The following FBN1 variants were observed in gnomAD, a reference collection of about 807,000 sequenced individuals.
FBN1 encodes the protein fibrillin 1.
FBN1 carries 29 observed loss-of-function variants against 365.1 expected under a neutral mutation model. The observed-to-expected ratio is 0.08, with a 90% CI of 0.06 to 0.11. The LOEUF (loss-of-function observed/expected upper bound fraction) is 0.11, where lower values mean the gene tolerates loss of function less well. FBN1 is among the 10% of genes least tolerant of loss of function. FBN1 has a pLI of 1.00. For synonymous variants in FBN1, 1,210 were observed against 1,270.5 expected (o/e 0.95, Z 1.01); for missense variants, 2,476 against 3,703.2 (o/e 0.67, Z 8.60).
At chr15:48,465,716 A>G (rs755511605) in intron 39 of FBN1, 23 bp from the exon 40 acceptor site, 1 of 1,613,928 alleles carries the variant, frequency 6.2e-7, no homozygotes, top group Non-Finnish European at 8.5e-7. Flanking sequence ...AAACAAAGGC[A>G]TTCCTTTAGC....
intron 6 of FBN1, among the ~76,000 whole-genome samples, chr15:48,576,262 C>A (rs1390264083): frequency 6.6e-6 from 1 of 152,182 alleles, no homozygotes; most frequent in Non-Finnish European, 1.5e-5. Context: ...TCCTTTCTTG[C>A]AAGTCATTTC....
chr15:48,485,032 C>T (rs1045314172), intron 30 of FBN1, among the ~76,000 whole-genome samples: 7 of 152,140 alleles, frequency 4.6e-5, no homozygotes, highest in Non-Finnish European at 1.0e-4. Context: ...TCAGGTGATG[C>T]TGTTGCCAAT....
intron 65 of FBN1, among the ~76,000 whole-genome samples, chr15:48,412,306 G>A (rs2042869937): frequency 1.3e-5 from 2 of 152,140 alleles, no homozygotes; most frequent in Admixed American, 6.5e-5. Flanking sequence ...GCAGACTTTG[G>A]GTGGGTATTT....
intron 6 of FBN1, among the ~76,000 whole-genome samples, chr15:48,559,794 C>T (rs895938135): frequency 3.9e-5 from 6 of 152,100 alleles, no homozygotes; most frequent in African/African-American, 1.4e-4. Context: ...TAAGCAGCAG[C>T]AAAACAATGA....
chr15:48,610,179 T>C (rs577373968), intron 4 of FBN1, among the ~76,000 whole-genome samples: 2 of 152,308 alleles, frequency 1.3e-5, no homozygotes, highest in Admixed American at 1.3e-4. Context: ...TTCTGAAGAA[T>C]GAACTGTGGA....
intron 5 of FBN1, among the ~76,000 whole-genome samples, chr15:48,596,704 T>G (rs1245079210): frequency 2.0e-5 from 3 of 152,222 alleles, no homozygotes; most frequent in Non-Finnish European, 4.4e-5. Flanking sequence ...AAAGACTCTT[T>G]TGCTTATGAT....
At chr15:48,462,996 G>T in intron 42 of FBN1, 86 bp downstream of exon 42, 18 of 1,302,406 alleles carry the variant, frequency 1.4e-5, no homozygotes, top group Non-Finnish European at 1.6e-5. Context: ...TGCACACTTT[G>T]CTTCCTTCGC....
chr15:48,644,821 G>T lies in FBN1; in HGVS notation c.-52C>A, dbSNP rs1361354418. ...CGCCTCTTGCCGCGCCCGGGGCTCG[G>T]TCTGCGGCCGCCGCTGCGCCCTGAA... is the stretch of plus-strand genomic sequence containing the variant. On this transcript the variant is annotated 5_prime_UTR_variant, in exon 2 of 66. Transcript: ENST00000316623. 5 of 1,561,314 alleles carry T rather than the reference G, an allele frequency of 3.2e-6. No individual in the cohort carries two copies. The highest frequency in any genetic ancestry group is 2.7e-5 in the African/African-American group (2 of 73,772).
At chr15:48,474,724 A>T in intron 32 of FBN1, 74 bp from the exon 33 acceptor site, 1 of 1,601,746 alleles carries the variant, frequency 6.2e-7, no homozygotes, top group Non-Finnish European at 8.5e-7. Context: ...AGTAATATTC[A>T]AAAGTTGACT....
At chr15:48,552,461 G>A (rs947417295) in intron 6 of FBN1, among the ~76,000 whole-genome samples, 3 of 150,682 alleles carry the variant, frequency 2.0e-5, no homozygotes, top group Non-Finnish European at 4.4e-5. Flanking sequence ...TTGTAGAGAT[G>A]GGGTCTCCCT....
chr15:48,506,809 T>A (rs1177963154), intron 15 of FBN1, among the ~76,000 whole-genome samples: 2 of 152,178 alleles, frequency 1.3e-5, no homozygotes, highest in African/African-American at 4.8e-5. Flanking sequence ...AAATCCAGTA[T>A]ACATGGGATT....
chr15:48,427,324 T>C (rs1265309784), intron 58 of FBN1, among the ~76,000 whole-genome samples: 12 of 152,260 alleles, frequency 7.9e-5, no homozygotes, highest in Admixed American at 7.8e-4. Flanking sequence ...GTTTAAAAAG[T>C]TGAAGACTCG....
At chr15:48,618,517 T>TA (rs1444390930) in intron 2 of FBN1, among the ~76,000 whole-genome samples, 1 of 152,142 alleles carries the variant, frequency 6.6e-6, no homozygotes, top group Non-Finnish European at 1.5e-5. Context: ...ATGTGACTGT[T>TA]ACAGTCCATC....
At chr15:48,496,363 C>T (rs1173848083) in intron 19 of FBN1, 138 bp from the exon 20 acceptor site, 1 of 1,023,272 alleles carries the variant, frequency 9.8e-7, no homozygotes. Context: ...GTAGCATTAG[C>T]TTTTACCTAA....
Position 48,490,020 on chromosome 15 carries a change from A to G in FBN1, c.2913T>C (p.Ile971=), listed in dbSNP as rs2141297416. 6.8e-6 allele frequency: 11 copies of G among 1,614,116 alleles called. No homozygotes were observed. The highest frequency in any genetic ancestry group is 2.7e-5 in the African/African-American group (2 of 75,024). ...AGGCGTCCATGCGGTGGCGGCCAGC[A>G]ATAGGCAGGGTGCACTCCTCGTCCT... is the stretch of plus-strand genomic sequence containing the variant. ...RYEDEECTLP[I]AGRHRMDACC... is the part of the protein sequence containing the mutation. The change falls in exon 25 of 66, where the codon ATT becomes ATC. Residue 971 remains isoleucine (I), a synonymous_variant. Coordinates refer to ENST00000316623, the MANE Select transcript of FBN1 (RefSeq NM_000138.5).
chr15:48,432,249 G>A (rs952868681), intron 55 of FBN1, among the ~76,000 whole-genome samples: 3 of 152,006 alleles, frequency 2.0e-5, no homozygotes, highest in Non-Finnish European at 2.9e-5. Flanking sequence ...TTATATTTAC[G>A]CCATCTTGAG....
At chr15:48,432,092 C>T (rs2043026748) in intron 55 of FBN1, among the ~76,000 whole-genome samples, 2 of 152,036 alleles carry the variant, frequency 1.3e-5, no homozygotes, top group Non-Finnish European at 2.9e-5. Flanking sequence ...CTTGGTTGGG[C>T]CTTCCTCAGT....
At chr15:48,517,587 A>AC (rs2043816192) in intron 10 of FBN1, among the ~76,000 whole-genome samples, 1 of 152,164 alleles carries the variant, frequency 6.6e-6, no homozygotes, top group African/African-American at 2.4e-5. Context: ...GTTTCCACAC[A>AC]TTTGTTCTGG....
At position 48,460,251 on chromosome 15, in the gene FBN1, G is replaced by T. The variant is rs2043270903; in HGVS notation, c.5291C>A (p.Pro1764His). The change falls in exon 43 of 66, where the codon CCC (proline) becomes CAC (histidine). Residue 1764 changes from proline to histidine, a missense_variant. Around this residue, in one of 5 missense-constraint regions of FBN1, gnomAD observed 1,780 missense variants for 2,840.8 expected, o/e 0.63. Transcript: ENST00000316623. ...ACAATGCCGTCATGACTCACCAACGGGTAAACCGGTATAAATGTCGATGAC... is the reference window on the plus strand; with the variant it reads ...ACAATGCCGTCATGACTCACCAACGTGTAAACCGGTATAAATGTCGATGAC... Reference protein sequence around the residue: ...GFVIDIYTGLPVDIDECREIP... With the variant: ...GFVIDIYTGLHVDIDECREIP... 2 of 1,612,924 alleles carry T rather than the reference G, an allele frequency of 1.2e-6. No homozygotes were observed. The highest frequency in any genetic ancestry group is 1.7e-6 in the Non-Finnish European group (2 of 1,179,030).
Sources: gnomAD v4.1 joint callset for allele counts (sites outside exome capture counted in the v4.1 genomes callset) on GRCh38, gnomAD v4.1.1 for gene constraint, gnomAD v4.1.1 regional missense constraint, MANE v1.5 for transcripts, NCBI Gene and HGNC (gene_info 2026-07-23, HGNC 2026-07-21) for gene names.